EYS: variants seen among roughly 807,000 people sequenced by gnomAD.
EYS encodes the protein EGF-like photoreceptor maintenance factor, also known as protein eyes shut homolog.
In EYS, 250 loss-of-function variants were observed where a neutral mutation model predicts 282.1. The observed-to-expected ratio is 0.89, with a 90% CI of 0.80 to 0.98. The LOEUF (loss-of-function observed/expected upper bound fraction) is 0.98. Among genes scored for constraint, EYS ranks in the 50% least tolerant of loss-of-function variants. The probability of loss-of-function intolerance (pLI) is 0.00; values close to 1 mark genes in which losing one functional copy is unlikely to be tolerated. For missense variants in EYS, 4,016 were observed against 3,709.0 expected, an observed-to-expected ratio of 1.08 and a Z score of -2.15; for synonymous variants, 1,355 against 1,282.9, an observed-to-expected ratio of 1.06 and a Z score of -1.20.
rs531161431 is a variant in EYS, at chr6:64,038,703, A to G, written c.6725+27635T>C. ...CCATTTTTTTAATGATATGAGACTA[A>G]TTCTTATTCTGAAGATGTCTTCACA... On this transcript the variant is annotated intron_variant, in intron 33 of 42. Coordinates refer to ENST00000503581, the MANE Select transcript of EYS (RefSeq NM_001142800.2). 1.9e-4 allele frequency among the ~76,000 whole-genome samples: 29 copies of G among 152,010 alleles called. No individual in the cohort carries two copies. The South Asian group carries it at 5.8e-3, about 30-fold the overall frequency.
At chr6:64,188,876 C>T (rs1257633167) in intron 31 of EYS, among the ~76,000 whole-genome samples, 1 of 152,058 alleles carries the variant, frequency 6.6e-6, no homozygotes, top group Non-Finnish European at 1.5e-5. Flanking sequence ...TACATTCCAC[C>T]TCCCTTTTAT....
chr6:65,258,543 G>GCA (rs1562054883), intron 12 of EYS, among the ~76,000 whole-genome samples: 1 of 151,858 alleles, frequency 6.6e-6, no homozygotes, highest in Admixed American at 6.6e-5. Context: ...CAAGCTGTGG[G>GCA]GAAGGGGGAG....
At chr6:63,951,842 C>T (rs531661281) in intron 35 of EYS, among the ~76,000 whole-genome samples, 1 of 152,296 alleles carries the variant, frequency 6.6e-6, no homozygotes, top group South Asian at 2.1e-4. Flanking sequence ...AAAAACCCAG[C>T]CCATTTCATG....
intron 1 of EYS, among the ~76,000 whole-genome samples, chr6:65,641,054 G>GT (rs975752355): frequency 2.6e-5 from 4 of 151,960 alleles, no homozygotes; most frequent in African/African-American, 9.7e-5. Context: ...TGCTTGTGGT[G>GT]TTTTTTACAG....
chr6:65,204,475 C>A lies in EYS; in HGVS notation c.2023+91388G>T, dbSNP rs148883357. On this transcript the variant is annotated intron_variant, in intron 12 of 42. Transcript: ENST00000503581. Reference sequence around the variant, plus strand: ...ATCATAAACGAAGAAAAAATAAAGTCTTTCCCAGTGAGGAAACACTAAGGG... The same window carrying A: ...ATCATAAACGAAGAAAAAATAAAGTATTTCCCAGTGAGGAAACACTAAGGG... Among the ~76,000 whole-genome samples the A allele has an allele frequency of 2.1e-3, 320 of 150,100 alleles. 4 individuals carry two copies. The highest frequency in any genetic ancestry group is 7.4e-3 in the African/African-American group (304 of 41,044).
At chr6:65,198,532 A>G (rs1765824629) in intron 12 of EYS, among the ~76,000 whole-genome samples, 1 of 152,026 alleles carries the variant, frequency 6.6e-6, no homozygotes, top group African/African-American at 2.4e-5. Context: ...CCACAAACAC[A>G]CGAATAATGC....
At chr6:65,522,263 C>T (rs1031211519) in intron 2 of EYS, among the ~76,000 whole-genome samples, 1 of 151,970 alleles carries the variant, frequency 6.6e-6, no homozygotes, top group Non-Finnish European at 1.5e-5. Flanking sequence ...AATTATATAT[C>T]CCTCTGTAAT....
At chr6:65,238,476 C>T (rs768332797) in intron 12 of EYS, among the ~76,000 whole-genome samples, 4 of 151,792 alleles carry the variant, frequency 2.6e-5, no homozygotes, top group Non-Finnish European at 4.4e-5. Context: ...ATTTTGTGAT[C>T]ATACCCAAAT....
At chr6:64,396,041 C>A (rs1269440540) in intron 28 of EYS, among the ~76,000 whole-genome samples, 2 of 152,130 alleles carry the variant, frequency 1.3e-5, no homozygotes, top group Admixed American at 6.6e-5. Context: ...GACTACTCCA[C>A]CACAACATAC....
chr6:65,610,610 C>CA, intron 2 of EYS, among the ~76,000 whole-genome samples: 1 of 152,070 alleles, frequency 6.6e-6, no homozygotes, highest in East Asian at 1.9e-4. Context: ...TCAAATTTGA[C>CA]ACATGTCCTC....
Position 65,046,849 on chromosome 6 carries a change from C to A in EYS, c.2137+10765G>T, listed in dbSNP as rs572721354. Among the ~76,000 whole-genome samples, 3 of 151,950 alleles carry A rather than the reference C, an allele frequency of 2.0e-5. No individual in the cohort carries two copies. The East Asian group carries it at 5.9e-4, about 30-fold the overall frequency. On this transcript the variant is annotated intron_variant, in intron 13 of 42. Transcript: ENST00000503581. ...GTGGAAGGTGTTTGTATTATGGGGG[C>A]AGATGCCCCATAAATGGCTTTCGTC...
intron 31 of EYS, among the ~76,000 whole-genome samples, chr6:64,162,813 G>T (rs1269797558): frequency 6.6e-6 from 1 of 152,092 alleles, no homozygotes; most frequent in Non-Finnish European, 1.5e-5. Context: ...TAAAGATTAT[G>T]CTACTAAATT....
intron 5 of EYS, among the ~76,000 whole-genome samples, chr6:65,411,850 T>C (rs1012951053): frequency 2.0e-5 from 3 of 151,780 alleles, no homozygotes; most frequent in African/African-American, 7.3e-5. Context: ...TAAATAGTAG[T>C]ATCTGGTATG....
chr6:63,931,219 A>G (rs1470141890), intron 35 of EYS, among the ~76,000 whole-genome samples: 2 of 152,138 alleles, frequency 1.3e-5, no homozygotes, highest in Non-Finnish European at 2.9e-5. Context: ...GCCACCCCAT[A>G]CATCTGCTTT....
At chr6:64,967,269 C>CA (rs1770128511) in intron 14 of EYS, among the ~76,000 whole-genome samples, 1 of 151,814 alleles carries the variant, frequency 6.6e-6, no homozygotes, top group South Asian at 2.1e-4. Flanking sequence ...ATTCATGGGA[C>CA]AAAATCTAAA....
intron 12 of EYS, among the ~76,000 whole-genome samples, chr6:65,279,611 G>C (rs904893619): frequency 1.3e-5 from 2 of 152,010 alleles, no homozygotes; most frequent in African/African-American, 4.8e-5. Context: ...CAAGCAGTAA[G>C]TATAACAACT....
At chr6:64,609,643 G>A (rs1164089891) in intron 24 of EYS, among the ~76,000 whole-genome samples, 4 of 152,058 alleles carry the variant, frequency 2.6e-5, no homozygotes, top group Non-Finnish European at 5.9e-5. Flanking sequence ...CAGCATTTTG[G>A]GAGGCTGAAG....
At chr6:63,786,973 G>A (rs919082637) in intron 39 of EYS, 6 of 152,164 alleles carry the variant, frequency 3.9e-5, no homozygotes, top group African/African-American at 9.7e-5. Context: ...GTAAATGCTA[G>A]TTTAGAGTGG....
At position 64,029,523 on chromosome 6, in the gene EYS, T is replaced by C. The variant is rs1442586070; in HGVS notation, c.6726-30340A>G. Among the ~76,000 whole-genome samples the C allele has an allele frequency of 2.0e-5, 3 of 152,196 alleles. 1 individual carries two copies. The highest frequency in any genetic ancestry group is 4.1e-4 in the South Asian group (2 of 4,826). On this transcript the variant is annotated intron_variant, in intron 33 of 42. Coordinates refer to ENST00000503581, the MANE Select transcript of EYS (RefSeq NM_001142800.2). ...GGGACCGGTGTTTCAAAAATGCACG[T>C]GTGTGGCCCTCAACCCTGACACTTT... is the stretch of plus-strand genomic sequence containing the variant.
Sources: allele counts gnomAD v4.1 joint callset (sites outside exome capture counted in the v4.1 genomes callset), GRCh38; gene constraint gnomAD v4.1.1; transcripts MANE v1.5; gene names NCBI Gene and HGNC (gene_info 2026-07-23, HGNC 2026-07-21).